The following RRM2 variants were observed in gnomAD, a reference collection of about 807,000 sequenced individuals.
RRM2 encodes the protein ribonucleotide reductase regulatory subunit M2, also known as ribonucleoside-diphosphate reductase subunit M2.
RRM2 carries 6 observed loss-of-function variants against 45.9 expected under a neutral mutation model. The observed-to-expected ratio is 0.13, with a 90% CI of 0.07 to 0.26. The LOEUF (loss-of-function observed/expected upper bound fraction) is 0.26. RRM2 is among the 10% of genes least tolerant of loss of function. The pLI is 1.00. For synonymous variants in RRM2, 177 were observed against 173.0 expected (o/e 1.02, Z -0.18); for missense variants, 343 against 489.5 (o/e 0.70, Z 2.82).
In RRM2 at chr2:10,124,082, C is replaced by G. The variant is rs1352497243; in HGVS notation, c.435+230C>G. The G allele has an allele frequency of 6.1e-6, 3 of 490,474 alleles. No homozygotes were observed. In the East Asian group the frequency reaches 1.2e-4, roughly 19 times the overall value. The allele number at this position is 490,474 out of a possible 1,614,324, so 30.4% of individuals were successfully genotyped here. On this transcript the variant is annotated intron_variant, in intron 4 of 9. Coordinates refer to ENST00000304567, the MANE Select transcript of RRM2 (RefSeq NM_001034.4). ...ATTAAGTGGTAGCAATGTGATGACTCTTTGTGGCCACCACATCTGCCCCCT... is the reference window on the plus strand; with the variant it reads ...ATTAAGTGGTAGCAATGTGATGACTGTTTGTGGCCACCACATCTGCCCCCT...
chr2:10,200,485 CAGGCACCG>C (rs1664534149), intron 3 of RRM2, among the ~76,000 whole-genome samples: 1 of 55,874 alleles, frequency 1.8e-5, no homozygotes, highest in East Asian at 6.2e-4. Context: ...ATGAGGCCCA[CAGGCACCG>C]CGCACACAAA....
intron 3 of RRM2, chr2:10,199,288 A>AAGGGGG (rs1553329240): frequency 8.9e-6 from 1 of 112,416 alleles, no homozygotes; most frequent in Non-Finnish European, 1.8e-5. Context: ...GAAAAAAAAA[A>AAGGGGG]GGGGGGGGGG....
Position 10,127,446 on chromosome 2 carries a change from C to T in RRM2, c.798+226C>T, listed in dbSNP as rs1662803533. ...AATACATTTGTACATATGTATTCCC[C>T]TATAGGCTTTGAATGCATAAAACTA... On this transcript the variant is annotated intron_variant, in intron 7 of 9. Coordinates refer to ENST00000304567, the MANE Select transcript of RRM2 (RefSeq NM_001034.4). This position sits in a 1 kb window ranked among gnomAD's most constrained non-coding sequence, Gnocchi z 4.1. The T allele has an allele frequency of 2.1e-6, 1 of 480,152 alleles. No individual in the cohort carries two copies. The highest frequency in any genetic ancestry group is 3.3e-5 in the South Asian group (1 of 30,200). 29.7% of individuals were successfully genotyped at this position (480,152 alleles called of 1,614,324 possible).
At chr2:10,126,073 G>A (rs1416056110) in intron 5 of RRM2, among the ~76,000 whole-genome samples, 1 of 151,080 alleles carries the variant, frequency 6.6e-6, no homozygotes. Context: ...GCAGAAGGAT[G>A]GCTTGAGCCC....
chr2:10,176,520 G>A (rs954753550), intron 3 of RRM2, among the ~76,000 whole-genome samples: 3 of 151,982 alleles, frequency 2.0e-5, no homozygotes, highest in South Asian at 2.1e-4. Context: ...TGCCCGCCTC[G>A]GCCTCCCAAA....
At chr2:10,165,607 A>T (rs1663663470) in intron 3 of RRM2, among the ~76,000 whole-genome samples, 1 of 152,248 alleles carries the variant, frequency 6.6e-6, no homozygotes. Flanking sequence ...GTTTTAAACA[A>T]GCTCTGGAAG....
intron 3 of RRM2, among the ~76,000 whole-genome samples, chr2:10,181,790 G>T: frequency 8.4e-6 from 1 of 118,384 alleles, no homozygotes; most frequent in Non-Finnish European, 1.6e-5. Flanking sequence ...TTAAGACAGG[G>T]TCTCAGCTCT....
chr2:10,132,930 C>CA (rs34083326), downstream of RRM2, among the ~76,000 whole-genome samples: 88,745 of 152,008 alleles, frequency 0.58, 26,521 homozygotes, highest in Non-Finnish European at 0.66. Flanking sequence ...GGAGGGCCTG[C>CA]AGAGAGTTGA....
chr2:10,176,112 C>T (rs1558397806), intron 3 of RRM2, among the ~76,000 whole-genome samples: 1 of 152,186 alleles, frequency 6.6e-6, no homozygotes, highest in African/African-American at 2.4e-5. Flanking sequence ...ATTAATCAAT[C>T]AGTGGACACT....
In RRM2 at chr2:10,185,005, T is replaced by G. The variant is rs574888811; in HGVS notation, n.483-25306T>G. On this transcript the variant is annotated intron_variant and non_coding_transcript_variant, in intron 3 of 3. Coordinates refer to the RRM2 transcript ENST00000381786. The surrounding 1 kb of genome is among the most constrained non-coding windows in gnomAD (Gnocchi z 4.3). ...GAGCAGCACTAACCCAAAGCCAATCTGACAAATGAACAAGTCATTCTATTT... is the reference window on the plus strand; with the variant it reads ...GAGCAGCACTAACCCAAAGCCAATCGGACAAATGAACAAGTCATTCTATTT... 1.3e-5 allele frequency among the ~76,000 whole-genome samples: 2 copies of G among 152,208 alleles called. No homozygotes were observed. Among genetic ancestry groups the G allele is most frequent in the Non-Finnish European group, 2.9e-5 (2 of 68,030 alleles).
At chr2:10,184,796 C>A (rs1421756988) in intron 3 of RRM2, among the ~76,000 whole-genome samples, 4 of 152,264 alleles carry the variant, frequency 2.6e-5, no homozygotes, top group African/African-American at 9.6e-5. Context: ...CCATGAACAT[C>A]TCAACCATCC....
At chr2:10,132,172 C>T (rs773319340), downstream of RRM2, among the ~76,000 whole-genome samples, 1 of 152,230 alleles carries the variant, frequency 6.6e-6, no homozygotes, top group Non-Finnish European at 1.5e-5. Context: ...TTGTACCTCA[C>T]GCCACTGCCA....
rs370441956 is a variant in RRM2, at chr2:10,126,953, C to T, written c.648C>T (p.Asp216=). 8 of 1,613,940 alleles carry T rather than the reference C, an allele frequency of 5.0e-6. No individual in the cohort carries two copies. In the African/African-American group the frequency reaches 9.3e-5, roughly 19 times the overall value. The change falls in exon 6 of 10, where the codon GAC becomes GAT. Residue 216 remains aspartate, a synonymous_variant. Coordinates refer to ENST00000304567, the MANE Select transcript of RRM2 (RefSeq NM_001034.4). ...KADWALRWIG[D]KEATYGERVV... Reference sequence around the variant, plus strand: ...ACTGGGCCTTGCGCTGGATTGGGGACAAAGAGGCTACCTATGGTAAGGAGA... The same window carrying T: ...ACTGGGCCTTGCGCTGGATTGGGGATAAAGAGGCTACCTATGGTAAGGAGA...
chr2:10,152,577 G>C (rs1236801754), intron 3 of RRM2, among the ~76,000 whole-genome samples: 1 of 151,274 alleles, frequency 6.6e-6, no homozygotes, highest in Admixed American at 6.6e-5. Flanking sequence ...TGGCCTCCTG[G>C]GCTCAAGCAG....
chr2:10,160,430 A>G (rs950630823), intron 3 of RRM2, among the ~76,000 whole-genome samples: 2 of 152,188 alleles, frequency 1.3e-5, no homozygotes, highest in Admixed American at 6.5e-5. Flanking sequence ...GGGCTTGCCC[A>G]TCGGGCCCTG....
At chr2:10,154,081 C>T (rs985819543) in intron 3 of RRM2, among the ~76,000 whole-genome samples, 1 of 152,178 alleles carries the variant, frequency 6.6e-6, no homozygotes, top group Admixed American at 6.5e-5. Context: ...TTTAAAAAAG[C>T]ATATTCCCTC....
chr2:10,140,975 G>A (rs1026388958), upstream of RRM2, among the ~76,000 whole-genome samples: 12 of 152,156 alleles, frequency 7.9e-5, no homozygotes, highest in South Asian at 2.1e-4. Context: ...GAGGTGCCCC[G>A]GGCATGTGGA....
rs113558831 is a variant in RRM2 at position 10,187,070 on chromosome 2, C to T, written n.483-23241C>T. On this transcript the variant is annotated intron_variant and non_coding_transcript_variant, in intron 3 of 3. Transcript: ENST00000381786. Reference sequence around the variant, plus strand: ...CAGCCCCGCTCTGTGGGGCCTTTGCCCAGCCTCCTGGTCCTTGCCAGCGCT... The same window carrying T: ...CAGCCCCGCTCTGTGGGGCCTTTGCTCAGCCTCCTGGTCCTTGCCAGCGCT... Among the ~76,000 whole-genome samples, 54 of 152,350 alleles carry T rather than the reference C, an allele frequency of 3.5e-4. 1 individual carries two copies. Among genetic ancestry groups the T allele is most frequent in the African/African-American group, 1.3e-3 (52 of 41,592 alleles).
At chr2:10,194,351 G>A (rs1161147244) in intron 3 of RRM2, among the ~76,000 whole-genome samples, 1 of 152,196 alleles carries the variant, frequency 6.6e-6, no homozygotes, top group Non-Finnish European at 1.5e-5. Flanking sequence ...TGACTGGCGG[G>A]GCTCTGGGGG....
Sources: allele counts gnomAD v4.1 joint callset (sites outside exome capture counted in the v4.1 genomes callset), GRCh38; gene constraint gnomAD v4.1.1; non-coding constraint Gnocchi (gnomAD v3.1); transcripts MANE v1.5; gene names NCBI Gene and HGNC (gene_info 2026-07-23, HGNC 2026-07-21).